PDCD1: variants seen among roughly 807,000 people sequenced by gnomAD.
PDCD1 encodes the protein programmed cell death protein 1.
In PDCD1, 10 loss-of-function variants were observed where a neutral mutation model predicts 23.6. The observed-to-expected ratio is 0.42, with a 90% CI of 0.26 to 0.72. The LOEUF (loss-of-function observed/expected upper bound fraction) is 0.72, where lower values mean the gene tolerates loss of function less well. Ranked by LOEUF, PDCD1 falls within the 30% of genes least tolerant of loss-of-function variation. PDCD1 has a pLI of 0.24. For synonymous variants in PDCD1, 168 were observed against 169.3 expected, an observed-to-expected ratio of 0.99 and a Z score of 0.06; for missense variants, 313 against 397.8, an observed-to-expected ratio of 0.79 and a Z score of 1.81.
intron 2 of PDCD1, 124 bp downstream of exon 2, chr2:241,852,497 G>A: frequency 7.8e-7 from 1 of 1,274,950 alleles, no homozygotes; most frequent in South Asian, 1.5e-5. Context: ...GCAGGACAGA[G>A]CCCTGGACTG....
intron 1 of PDCD1, among the ~76,000 whole-genome samples, chr2:241,856,614 A>G (rs993725327): frequency 1.3e-5 from 2 of 151,950 alleles, no homozygotes; most frequent in African/African-American, 4.8e-5. Flanking sequence ...AGGTGGGAGG[A>G]CCATTTGAGC....
At chr2:241,855,653 T>G (rs1701006753) in intron 1 of PDCD1, among the ~76,000 whole-genome samples, 1 of 152,170 alleles carries the variant, frequency 6.6e-6, no homozygotes, top group Admixed American at 6.5e-5. Flanking sequence ...TACAGGACAT[T>G]GCTTTCCAGA....
Position 241,850,679 on chromosome 2 carries a change from CG to C in PDCD1, c.*378del. ...GCCCCCAAGTTCAGGCAGGAGGCTC[CG>C]GGGCGTCAGGCAGGGCCACGGCGCC... is the stretch of plus-strand genomic sequence containing the variant. On this transcript the variant is annotated 3_prime_UTR_variant, in exon 5 of 5. Transcript: ENST00000334409. 1 of 511,388 alleles carries C rather than the reference CG, an allele frequency of 2.0e-6. No homozygotes were observed. The highest frequency in any genetic ancestry group is 3.6e-6 in the Non-Finnish European group (1 of 274,932). 31.7% of individuals were successfully genotyped at this position (511,388 alleles called of 1,614,324 possible). A position where few individuals can be genotyped will look rare whatever the true frequency, so the allele number is the denominator to read the frequency against.
At chr2:241,855,870 G>A (rs1322684666) in intron 1 of PDCD1, among the ~76,000 whole-genome samples, 1 of 152,176 alleles carries the variant, frequency 6.6e-6, no homozygotes, top group Non-Finnish European at 1.5e-5. Context: ...TGTGTGTGGA[G>A]GTGGGAAGGG....
intron 1 of PDCD1, among the ~76,000 whole-genome samples, chr2:241,854,556 G>A (rs1700973499): frequency 6.6e-6 from 1 of 152,228 alleles, no homozygotes; most frequent in Non-Finnish European, 1.5e-5. Flanking sequence ...GGAGGAAGAT[G>A]GGCTTCTGGC....
rs1383867797 is a variant in PDCD1, at chr2:241,851,040, G to A, written c.*18C>T. 2 of 1,603,108 alleles carry A rather than the reference G, an allele frequency of 1.2e-6. No individual in the cohort carries two copies. The highest frequency in any genetic ancestry group is 2.2e-5 in the East Asian group (1 of 44,732). On this transcript the variant is annotated 3_prime_UTR_variant, in exon 5 of 5. Transcript: ENST00000334409. ...CATGGTGGAGGGTCTGCAGAACACTGGTGGCCAAGGAAGCCGGTCAGAGGG... is the reference window on the plus strand; with the variant it reads ...CATGGTGGAGGGTCTGCAGAACACTAGTGGCCAAGGAAGCCGGTCAGAGGG...
chr2:241,853,848 C>G (rs974176596), intron 1 of PDCD1, among the ~76,000 whole-genome samples: 1 of 152,250 alleles, frequency 6.6e-6, no homozygotes, highest in African/African-American at 2.4e-5. Context: ...CCAAACATGG[C>G]GCCAGCCCCA....
At chr2:241,852,518 G>A (rs1422425517) in intron 2 of PDCD1, 103 bp downstream of exon 2, 9 of 1,397,506 alleles carry the variant, frequency 6.4e-6, no homozygotes, top group Admixed American at 2.2e-5. Flanking sequence ...GAGCTGGGGG[G>A]TCCCTGCCCT....
chr2:241,852,572 C>A (rs1700925482), intron 2 of PDCD1, 49 bp downstream of exon 2: 3 of 1,586,436 alleles, frequency 1.9e-6, no homozygotes, highest in African/African-American at 2.7e-5. Context: ...GGACACCCAC[C>A]CCAGGACCGG....
At chr2:241,853,144 G>A (rs1159703864) in intron 1 of PDCD1, among the ~76,000 whole-genome samples, 164 bp from the exon 2 acceptor site, 1 of 152,246 alleles carries the variant, frequency 6.6e-6, no homozygotes, top group Non-Finnish European at 1.5e-5. Flanking sequence ...GATGGGCACT[G>A]GCCTCCACTG....
In PDCD1 at chr2:241,856,892, C is replaced by T. The variant is rs149814063; in HGVS notation, c.76+1871G>A. Reference sequence around the variant, plus strand: ...AGATGACCCGATTTAATCCTCAGGACGCAGCCTTGCCAGGAGGCGTCCTCA... The same window carrying T: ...AGATGACCCGATTTAATCCTCAGGATGCAGCCTTGCCAGGAGGCGTCCTCA... On this transcript the variant is annotated intron_variant, in intron 1 of 4. Transcript: ENST00000334409. Among the ~76,000 whole-genome samples the T allele has an allele frequency of 2.1e-3, 321 of 152,334 alleles. 1 individual carries two copies. The highest frequency in any genetic ancestry group is 7.5e-3 in the African/African-American group (312 of 41,566).
In PDCD1 at chr2:241,852,540, G is replaced by A. The variant is rs557844061; in HGVS notation, c.436+81C>T. The A allele has an allele frequency of 2.0e-6, 3 of 1,512,400 alleles. No individual in the cohort carries two copies. In the South Asian group the frequency reaches 3.8e-5, roughly 19 times the overall value. 93.7% of individuals were successfully genotyped at this position (1,512,400 alleles called of 1,614,324 possible). ...GGGGTCCCTGCCCTACGACCCTGGA[G>A]CTCCTGATCCTGTGCAGGAGGGGAC... On this transcript the variant is annotated intron_variant, in intron 2 of 4. Transcript: ENST00000334409.
At chr2:241,852,062 T>A in intron 3 of PDCD1, 79 bp from the exon 4 acceptor site, 1 of 1,185,824 alleles carries the variant, frequency 8.4e-7, no homozygotes, top group Non-Finnish European at 1.1e-6. Flanking sequence ...CCAGGGGCCT[T>A]CATCAGGGAC....
chr2:241,857,726 GAACCC>G (rs2124870390), intron 1 of PDCD1, among the ~76,000 whole-genome samples: 1 of 152,298 alleles, frequency 6.6e-6, no homozygotes, highest in Non-Finnish European at 1.5e-5. Context: ...CCGAGGTGGG[GAACCC>G]CCAGTCGCCT....
chr2:241,857,632 T>A (rs1701053483), intron 1 of PDCD1, among the ~76,000 whole-genome samples: 2 of 152,172 alleles, frequency 1.3e-5, no homozygotes, highest in South Asian at 2.1e-4. Flanking sequence ...CGGGCCAACC[T>A]TAAGAGGTGG....
At chr2:241,858,664 C>A (rs980830261) in intron 1 of PDCD1, 99 bp downstream of exon 1, 9 of 1,051,044 alleles carry the variant, frequency 8.6e-6, no homozygotes, top group Non-Finnish European at 1.3e-5. Flanking sequence ...GCTGCCAGGG[C>A]CAGGCCCGCC....
chr2:241,857,077 C>T (rs141642428), intron 1 of PDCD1, among the ~76,000 whole-genome samples: 26 of 152,210 alleles, frequency 1.7e-4, no homozygotes, highest in African/African-American at 4.3e-4. Context: ...AATAAGCAGC[C>T]GGGTTGGGGA....
chr2:241,852,108 G>T, intron 3 of PDCD1, 90 bp downstream of exon 3: 1 of 1,472,608 alleles, frequency 6.8e-7, no homozygotes, highest in Non-Finnish European at 9.2e-7. Context: ...GGTGGGGTGG[G>T]GTGAGGGAAG....
intron 3 of PDCD1, 79 bp downstream of exon 3, chr2:241,852,119 G>T: frequency 6.6e-7 from 1 of 1,516,562 alleles, no homozygotes; most frequent in Non-Finnish European, 8.9e-7. Flanking sequence ...GTGAGGGAAG[G>T]GTGGAGGAAG....
Sources: allele counts gnomAD v4.1 joint callset (sites outside exome capture counted in the v4.1 genomes callset), GRCh38; gene constraint gnomAD v4.1.1; transcripts MANE v1.5; gene names NCBI Gene and HGNC (gene_info 2026-07-23, HGNC 2026-07-21).